The following PTPRD variants were observed in gnomAD, a reference collection of about 807,000 sequenced individuals.
PTPRD encodes the protein receptor-type tyrosine-protein phosphatase delta.
In PTPRD, 34 loss-of-function variants were observed where a neutral mutation model predicts 214.5. The ratio of observed to expected loss-of-function variants is 0.16; its 90% CI spans 0.12 to 0.21. PTPRD has a LOEUF of 0.21. PTPRD is among the 10% of genes least tolerant of loss of function. The pLI, the probability that PTPRD is intolerant of heterozygous loss-of-function variation, is 1.00. For synonymous variants in PTPRD, 1,128 were observed against 845.7 expected, an observed-to-expected ratio of 1.33 and a Z score of -5.79; for missense variants, 2,545 against 2,398.7, an observed-to-expected ratio of 1.06 and a Z score of -1.27.
At chr9:8,888,166 A>G (rs2098507636) in intron 11 of PTPRD, among the ~76,000 whole-genome samples, 1 of 152,196 alleles carries the variant, frequency 6.6e-6, no homozygotes, top group Non-Finnish European at 1.5e-5. Context: ...TGACAAGCAT[A>G]CAATGGAACT....
At chr9:8,702,756 C>G (rs1242855395) in intron 12 of PTPRD, among the ~76,000 whole-genome samples, 6 of 152,078 alleles carry the variant, frequency 3.9e-5, no homozygotes, top group Non-Finnish European at 8.8e-5. Context: ...TACAGGCGCC[C>G]GCCACTACGC....
intron 11 of PTPRD, among the ~76,000 whole-genome samples, chr9:8,865,153 T>TTA (rs1555451622): frequency 1.3e-5 from 2 of 151,492 alleles, no homozygotes; most frequent in South Asian, 4.2e-4. Flanking sequence ...CTATCATTCT[T>TTA]TCTTTAATCA....
intron 35 of PTPRD, among the ~76,000 whole-genome samples, chr9:8,429,165 T>A (rs1414702112): frequency 6.6e-6 from 1 of 152,222 alleles, no homozygotes; most frequent in Non-Finnish European, 1.5e-5. Flanking sequence ...TCTAGTTTGA[T>A]ACTAAGGTTT....
intron 2 of PTPRD, among the ~76,000 whole-genome samples, chr9:10,536,870 C>G (rs1028838202): frequency 7.2e-5 from 11 of 152,132 alleles, no homozygotes; most frequent in Non-Finnish European, 1.2e-4. Context: ...TCTTTTAAAT[C>G]TAATTAGTAA....
At chr9:9,148,905 C>A (rs1405833034) in intron 10 of PTPRD, among the ~76,000 whole-genome samples, 3 of 152,108 alleles carry the variant, frequency 2.0e-5, no homozygotes, top group East Asian at 1.9e-4. Flanking sequence ...CAAAATGGTG[C>A]AGTTACAAAT....
chr9:9,315,833 C>CTTTTTTTTT (rs566821610), intron 9 of PTPRD, among the ~76,000 whole-genome samples: 58 of 93,308 alleles, frequency 6.2e-4, no homozygotes, highest in Middle Eastern at 6.4e-3. Context: ...TAGCAGACAA[C>CTTTTTTTTT]TTTTTTTTTT....
At chr9:8,681,839 T>G (rs1169298814) in intron 12 of PTPRD, among the ~76,000 whole-genome samples, 1 of 152,232 alleles carries the variant, frequency 6.6e-6, no homozygotes, top group East Asian at 1.9e-4. Context: ...ATTCAGTGAT[T>G]GCCCTTCCCC....
chr9:9,614,016 G>A (rs1254230934), intron 7 of PTPRD, among the ~76,000 whole-genome samples: 1 of 152,070 alleles, frequency 6.6e-6, no homozygotes, highest in South Asian at 2.1e-4. Flanking sequence ...TTCACATGTT[G>A]TCATAATAGA....
intron 2 of PTPRD, among the ~76,000 whole-genome samples, chr9:10,588,930 C>T (rs2074669646): frequency 6.6e-6 from 1 of 152,010 alleles, no homozygotes; most frequent in African/African-American, 2.4e-5. Context: ...GTCTATTTCT[C>T]TCACTAGAAT....
intron 12 of PTPRD, among the ~76,000 whole-genome samples, chr9:8,667,301 T>C (rs2097190043): frequency 6.6e-6 from 1 of 152,172 alleles, no homozygotes; most frequent in South Asian, 2.1e-4. Context: ...ATCATGCCAT[T>C]GCACTCCAGC....
rs535028885 is a variant in PTPRD at position 10,347,252 on chromosome 9, C to T, written c.-599-6235G>A. 6.6e-5 allele frequency among the ~76,000 whole-genome samples: 10 copies of T among 152,010 alleles called. No individual in the cohort carries two copies. In the East Asian group the frequency reaches 1.4e-3, roughly 21 times the overall value. ...CCTCTATGAGCATATTTTGTTTTTC[C>T]TCCATGTATTTTTCCTCTCAAATTA... is the stretch of plus-strand genomic sequence containing the variant. On this transcript the variant is annotated intron_variant, in intron 2 of 45. Transcript: ENST00000381196.
chr9:8,974,534 C>G (rs1311400626), intron 11 of PTPRD, among the ~76,000 whole-genome samples: 1 of 151,926 alleles, frequency 6.6e-6, no homozygotes. Context: ...TTTTAATGTG[C>G]TACTTTTCGA....
intron 3 of PTPRD, among the ~76,000 whole-genome samples, chr9:10,226,860 C>A (rs2099590544): frequency 6.6e-6 from 1 of 151,996 alleles, no homozygotes; most frequent in South Asian, 2.1e-4. Context: ...ATATTTACCA[C>A]TCATTAAATT....
At chr9:8,832,567 A>G (rs2097319342) in intron 11 of PTPRD, among the ~76,000 whole-genome samples, 1 of 152,132 alleles carries the variant, frequency 6.6e-6, no homozygotes, top group Non-Finnish European at 1.5e-5. Context: ...AGGTCACAAT[A>G]TACTTCAAGT....
chr9:8,385,617 C>T (rs1455318054), intron 37 of PTPRD, among the ~76,000 whole-genome samples: 1 of 151,860 alleles, frequency 6.6e-6, no homozygotes, highest in Non-Finnish European at 1.5e-5. Flanking sequence ...CATAAAATAA[C>T]CAAAAAAGGG....
At chr9:10,192,445 G>GA (rs552289562) in intron 3 of PTPRD, among the ~76,000 whole-genome samples, 2,848 of 72,258 alleles carry the variant, frequency 0.039, 87 homozygotes, top group Admixed American at 0.094. Flanking sequence ...CACGATCCAG[G>GA]AAAAAAAAAA....
intron 9 of PTPRD, among the ~76,000 whole-genome samples, chr9:9,185,641 T>A (rs1258956498): frequency 6.6e-6 from 1 of 152,092 alleles, no homozygotes; most frequent in Non-Finnish European, 1.5e-5. Context: ...TGCAACTGCC[T>A]TTTGATCTGA....
At chr9:9,743,529 A>G (rs1344795111) in intron 6 of PTPRD, among the ~76,000 whole-genome samples, 3 of 152,088 alleles carry the variant, frequency 2.0e-5, no homozygotes, top group African/African-American at 7.2e-5. Flanking sequence ...TTCATGGGCC[A>G]TCTGACCTCC....
chr9:9,332,944 T>C (rs574448485), intron 9 of PTPRD, among the ~76,000 whole-genome samples: 53 of 152,150 alleles, frequency 3.5e-4, no homozygotes, highest in Non-Finnish European at 3.4e-4. Context: ...CTTATGTTAG[T>C]TAGTGTTAAG....
Sources: gnomAD v4.1 joint callset for allele counts (sites outside exome capture counted in the v4.1 genomes callset) on GRCh38, gnomAD v4.1.1 for gene constraint, MANE v1.5 for transcripts, NCBI Gene and HGNC (gene_info 2026-07-23, HGNC 2026-07-21) for gene names.